The following EPCAM variants were observed in gnomAD, a reference collection of about 807,000 sequenced individuals.
The protein encoded by EPCAM is adenocarcinoma-associated antigen.
In EPCAM, 39 loss-of-function variants were observed where a neutral mutation model predicts 40.0. That is an observed-to-expected ratio of 0.98 (90% CI 0.76 to 1.27). The LOEUF (loss-of-function observed/expected upper bound fraction) is 1.27, where lower values mean the gene tolerates loss of function less well. Ranked by LOEUF, EPCAM falls within the 50% of genes most tolerant of loss-of-function variation. The pLI is 0.00. For synonymous variants in EPCAM, 168 were observed against 132.3 expected (o/e 1.27, Z -1.85); for missense variants, 503 against 381.2 (o/e 1.32, Z -2.66).
chr2:47,370,932 C>T (rs1191381999), intron 1 of EPCAM, among the ~76,000 whole-genome samples: 3 of 152,046 alleles, frequency 2.0e-5, no homozygotes, highest in African/African-American at 4.8e-5. Flanking sequence ...AGGCTGGTCT[C>T]GAACTCCTGA....
chr2:47,370,733 A>G (rs1476417615), intron 1 of EPCAM, among the ~76,000 whole-genome samples: 1 of 151,198 alleles, frequency 6.6e-6, no homozygotes, highest in Non-Finnish European at 1.5e-5. Flanking sequence ...ATTTATTATT[A>G]TTATTATTAT....
Position 47,369,370 on chromosome 2 carries a change from C to CG in EPCAM, c.-135dup. The CG allele has an allele frequency of 8.4e-7, 1 of 1,193,992 alleles. No homozygotes were observed. The highest frequency in any genetic ancestry group is 1.1e-6 in the Non-Finnish European group (1 of 913,656). 74.0% of individuals were successfully genotyped at this position (1,193,992 alleles called of 1,614,324 possible). On this transcript the variant is annotated 5_prime_UTR_variant, in exon 1 of 9. Transcript: ENST00000263735. Reference sequence around the variant, plus strand: ...CGACGCGGTCCGGGGACCCCCTCGTCGCTGTCCTCCCGACGCGGACCCGCG... The same window carrying CG: ...CGACGCGGTCCGGGGACCCCCTCGTCGGCTGTCCTCCCGACGCGGACCCGCG...
chr2:47,380,034 T>C, intron 7 of EPCAM, 65 bp downstream of exon 7: 1 of 1,550,974 alleles, frequency 6.4e-7, no homozygotes, highest in Non-Finnish European at 8.7e-7. Flanking sequence ...TAATAGTGGC[T>C]GGGCGCGGTG....
chr2:47,377,400 C>G (rs1671455007), intron 5 of EPCAM, among the ~76,000 whole-genome samples: 1 of 151,964 alleles, frequency 6.6e-6, no homozygotes, highest in African/African-American at 2.4e-5. Flanking sequence ...CCATGCCCAG[C>G]TAATTTTTGT....
Position 47,385,155 on chromosome 2 carries a change from C to T in EPCAM, c.859-11C>T, listed in dbSNP as rs774756752. On this transcript the variant is annotated splice_polypyrimidine_tract_variant and intron_variant, in intron 7 of 8. Coordinates refer to ENST00000263735, the MANE Select transcript of EPCAM (RefSeq NM_002354.3). ...CAGTCCTAAAACAATAGTTGTCTTT[C>T]TTCCACTCAGGTTATTTCCAGAAAG... The T allele has an allele frequency of 1.2e-6, 2 of 1,608,894 alleles. No homozygotes were observed. The highest frequency in any genetic ancestry group is 2.2e-5 in the South Asian group (2 of 90,940).
intron 1 of EPCAM, among the ~76,000 whole-genome samples, chr2:47,370,232 C>G (rs1179519403): frequency 1.3e-5 from 2 of 152,096 alleles, no homozygotes; most frequent in African/African-American, 4.8e-5. Flanking sequence ...TTTTGAGAAT[C>G]CCATAATTAG....
chr2:47,374,553 G>A (rs1274709745), intron 3 of EPCAM, among the ~76,000 whole-genome samples: 1 of 152,172 alleles, frequency 6.6e-6, no homozygotes, highest in Non-Finnish European at 1.5e-5. Flanking sequence ...CAGGACCAAA[G>A]TGGGCACTTT....
intron 7 of EPCAM, 39 bp downstream of exon 7, chr2:47,380,008 T>C: frequency 6.4e-7 from 1 of 1,571,648 alleles, no homozygotes; most frequent in Non-Finnish European, 8.6e-7. Flanking sequence ...TAAGGGTATA[T>C]TTTTTCAAGA....
At chr2:47,381,823 G>C (rs1671599331) in intron 7 of EPCAM, among the ~76,000 whole-genome samples, 2 of 152,170 alleles carry the variant, frequency 1.3e-5, no homozygotes, top group South Asian at 2.1e-4. Flanking sequence ...CTGGAGTGCA[G>C]TAGCATGATC....
At chr2:47,376,980 T>A in intron 4 of EPCAM, 34 bp from the exon 5 acceptor site, 2 of 1,337,344 alleles carry the variant, frequency 1.5e-6, no homozygotes, top group Non-Finnish European at 2.1e-6. Context: ...GGTACAAACA[T>A]TTTTTTTTAA....
At chr2:47,381,999 C>T (rs1671605656) in intron 7 of EPCAM, among the ~76,000 whole-genome samples, 2 of 152,104 alleles carry the variant, frequency 1.3e-5, no homozygotes, top group Admixed American at 6.6e-5. Context: ...AACTCCTAGG[C>T]TCAAGCAGTT....
chr2:47,380,036 G>T lies in EPCAM; in HGVS notation c.858+67G>T, dbSNP rs1020876320. 65 of 1,550,554 alleles carry T rather than the reference G, an allele frequency of 4.2e-5. No individual in the cohort carries two copies. The South Asian group carries it at 7.5e-4, about 18-fold the overall frequency. On this transcript the variant is annotated intron_variant, in intron 7 of 8. Transcript: ENST00000263735. ...TTTCAAGAAAAAGTAATAGTGGCTG[G>T]GCGCGGTGGCTCACCACACCTGTTA...
intron 8 of EPCAM, among the ~76,000 whole-genome samples, chr2:47,385,880 A>G (rs898326537): frequency 2.0e-5 from 3 of 152,192 alleles, no homozygotes; most frequent in African/African-American, 7.2e-5. Flanking sequence ...CATCTGGTTT[A>G]TTTGGTTTGG....
intron 5 of EPCAM, chr2:47,377,688 C>G: frequency 2.6e-6 from 1 of 380,754 alleles, no homozygotes; most frequent in Non-Finnish European, 5.2e-6. Flanking sequence ...CCAGTAACAT[C>G]TTAAAGTAAA....
rs1303750496 is a variant in EPCAM, at chr2:47,369,641, C to T, written c.76+60C>T. ...GGCTGGGCTGGGGGGCAGCGGCCCC[C>T]GGCCCTCGGCCCCCGAAACGGGCAT... On this transcript the variant is annotated intron_variant, in intron 1 of 8. Transcript: ENST00000263735. 3.4e-6 allele frequency: 5 copies of T among 1,488,162 alleles called. No individual in the cohort carries two copies. The Admixed American group carries it at 5.9e-5, about 18-fold the overall frequency. 92.2% of individuals were successfully genotyped at this position (1,488,162 alleles called of 1,614,324 possible).
intron 2 of EPCAM, 56 bp from the exon 3 acceptor site, chr2:47,373,752 T>A (rs1054761257): frequency 6.2e-7 from 1 of 1,609,096 alleles, no homozygotes; most frequent in Non-Finnish European, 8.5e-7. Context: ...ATTTTTTTTT[T>A]CCCGTAATCA....
intron 3 of EPCAM, 132 bp from the exon 4 acceptor site, chr2:47,375,102 T>A (rs35079997): frequency 1.5e-6 from 1 of 667,874 alleles, no homozygotes; most frequent in African/African-American, 1.8e-5. Flanking sequence ...GGGAAGAAAT[T>A]ATAGGAATAG....
intron 7 of EPCAM, among the ~76,000 whole-genome samples, chr2:47,381,000 A>T (rs1197006180): frequency 3.5e-5 from 5 of 142,914 alleles, no homozygotes; most frequent in Non-Finnish European, 6.1e-5. Flanking sequence ...GCAGGAGAAT[A>T]GCTTGAACCT....
chr2:47,371,648 T>C (rs1671273734), intron 1 of EPCAM, among the ~76,000 whole-genome samples: 1 of 152,230 alleles, frequency 6.6e-6, no homozygotes, highest in Non-Finnish European at 1.5e-5. Context: ...AGGTTTGTGC[T>C]CAGAAAGTCT....
Sources: gnomAD v4.1 joint callset for allele counts (sites outside exome capture counted in the v4.1 genomes callset) on GRCh38, gnomAD v4.1.1 for gene constraint, MANE v1.5 for transcripts, NCBI Gene and HGNC (gene_info 2026-07-23, HGNC 2026-07-21) for gene names.